LARS1: variants seen among roughly 807,000 people sequenced by gnomAD.
LARS1 encodes the protein leucyl-tRNA synthetase 1, also known as leucine--tRNA ligase, cytoplasmic.
LARS1 carries 100 observed loss-of-function variants against 162.8 expected under a neutral mutation model. That is an observed-to-expected ratio of 0.61 (90% confidence interval 0.52 to 0.73). The LOEUF is 0.73. LARS1 is among the 30% of genes least tolerant of loss of function. The pLI is 0.00. For synonymous variants in LARS1, 457 were observed against 462.8 expected (o/e 0.99, Z 0.16); for missense variants, 1,258 against 1,408.9 (o/e 0.89, Z 1.71).
At chr5:146,118,287 C>A (rs1751660972) in intron 31 of LARS1, among the ~76,000 whole-genome samples, 1 of 152,148 alleles carries the variant, frequency 6.6e-6, no homozygotes, top group Non-Finnish European at 1.5e-5. Context: ...CGCATGATCT[C>A]ACTCACATGT....
chr5:146,160,397 T>C lies in LARS1; in HGVS notation c.684A>G (p.Arg228=), dbSNP rs757561044. The C allele has an allele frequency of 4.1e-5, 64 of 1,566,008 alleles. No homozygotes were observed. Among genetic ancestry groups the C allele is most frequent in the Non-Finnish European group, 5.2e-5 (60 of 1,153,882 alleles). Residue 228 remains arginine (R), a synonymous_variant, in exon 7 of 32, where the codon AGA becomes AGG. Coordinates refer to ENST00000394434, the MANE Select transcript of LARS1 (RefSeq NM_020117.11). ...ACCGCTTCCCAAATTTAATTTTGTT[T>C]CTTTCTCTTAATGTTAAAAATTGCC... is the stretch of plus-strand genomic sequence containing the variant. ...VRWQFLTLRE[R]NKIKFGKRYT...
At chr5:146,165,493 T>C (rs905068158) in intron 5 of LARS1, among the ~76,000 whole-genome samples, 1 of 151,890 alleles carries the variant, frequency 6.6e-6, no homozygotes, top group Non-Finnish European at 1.5e-5. Context: ...ACTCCACCAC[T>C]GTACTCCAGC....
chr5:146,182,182 C>T (rs1754901980), intron 1 of LARS1: 2 of 390,990 alleles, frequency 5.1e-6, no homozygotes, highest in South Asian at 3.0e-5. Flanking sequence ...CTCAAATGAT[C>T]CACCCGCCTC....
At chr5:146,138,742 A>AG (rs1752625684) in intron 21 of LARS1, 1 of 163,176 alleles carries the variant, frequency 6.1e-6, no homozygotes, top group Non-Finnish European at 1.3e-5. Flanking sequence ...AAAAAAAAAA[A>AG]AGAAAGAAAA....
chr5:146,116,425 A>G (rs1764213743), intron 31 of LARS1, among the ~76,000 whole-genome samples: 1 of 152,212 alleles, frequency 6.6e-6, no homozygotes, highest in African/African-American at 2.4e-5. Context: ...GCAATTCTGA[A>G]TCAAACTAGT....
intron 6 of LARS1, among the ~76,000 whole-genome samples, chr5:146,161,311 A>G (rs957449762): frequency 3.3e-5 from 5 of 152,182 alleles, no homozygotes; most frequent in African/African-American, 1.2e-4. Context: ...TGTGATGGCT[A>G]TGGCAATTTC....
chr5:146,149,121 C>A (rs914609673), intron 15 of LARS1, among the ~76,000 whole-genome samples: 1 of 152,056 alleles, frequency 6.6e-6, no homozygotes, highest in South Asian at 2.1e-4. Flanking sequence ...TTAAATGTTA[C>A]CCCCTCCAAG....
chr5:146,145,023 A>G (rs969014314), intron 15 of LARS1, among the ~76,000 whole-genome samples: 2 of 152,204 alleles, frequency 1.3e-5, no homozygotes, highest in African/African-American at 4.8e-5. Flanking sequence ...TTCGAATCCT[A>G]TGGTTTGAAG....
chr5:146,133,789 T>G (rs1752394428), intron 22 of LARS1, among the ~76,000 whole-genome samples: 3 of 151,938 alleles, frequency 2.0e-5, no homozygotes, highest in Non-Finnish European at 4.4e-5. Context: ...GCACTTTGCC[T>G]TTTCCACTTA....
At chr5:146,138,820 T>C in intron 21 of LARS1, 1 of 224,854 alleles carries the variant, frequency 4.4e-6, no homozygotes, top group South Asian at 6.3e-5. Flanking sequence ...AGAGATGTGC[T>C]ATGTATACAA....
chr5:146,171,902 G>C lies in LARS1; in HGVS notation c.294+8C>G. The C allele has an allele frequency of 1.2e-6, 2 of 1,602,872 alleles. No homozygotes were observed. The highest frequency in any genetic ancestry group is 1.7e-6 in the Non-Finnish European group (2 of 1,173,490). ...AAGAGTAGAAACCAATCCTATTAGC[G>C]ATCTTACCTTAATAGGCATTCCAGT... On this transcript the variant is annotated splice_region_variant and intron_variant, in intron 4 of 31. Transcript: ENST00000394434.
chr5:146,149,701 T>C lies in LARS1; in HGVS notation c.1426-2A>G, dbSNP rs1297330397. 1 of 1,606,482 alleles carries C rather than the reference T, an allele frequency of 6.2e-7. No homozygotes were observed. The highest frequency in any genetic ancestry group is 8.5e-7 in the Non-Finnish European group (1 of 1,173,204). On this transcript the variant is annotated splice_acceptor_variant, in intron 14 of 31. Transcript: ENST00000394434. LOFTEE classifies it high-confidence loss of function. The stretch of plus-strand genomic sequence containing the variant: ...TTTAAATCCATCCACCAACATGATC[T>C]AAAAGGATGAGAGGGGAGAAAAACC...
rs2963919 is a variant in LARS1 at position 146,135,816 on chromosome 5, C to G, written c.2149-152G>C. On this transcript the variant is annotated intron_variant, in intron 21 of 31. Coordinates refer to ENST00000394434, the MANE Select transcript of LARS1 (RefSeq NM_020117.11). Reference sequence around the variant, plus strand: ...AAAAGATATTACACTAATTTTAGAGCGGTGAAAACTGAATTTCATCCGATA... The same window carrying G: ...AAAAGATATTACACTAATTTTAGAGGGGTGAAAACTGAATTTCATCCGATA... 4 of 560,970 alleles carry G rather than the reference C, an allele frequency of 7.1e-6. No individual in the cohort carries two copies. The East Asian group carries it at 1.3e-4, about 18-fold the overall frequency. The allele number at this position is 560,970 out of a possible 1,614,324, so 34.7% of individuals were successfully genotyped here. A position where few individuals can be genotyped will look rare whatever the true frequency, so the allele number is the denominator to read the frequency against.
At chr5:146,174,467 T>TATATATATATATATCC (rs1561497720) in intron 2 of LARS1, among the ~76,000 whole-genome samples, 53 of 5,110 alleles carry the variant, frequency 0.01, 6 homozygotes, top group East Asian at 0.012. Flanking sequence ...TATATATCCA[T>TATATATATATATATCC]ATATATATAT....
intron 30 of LARS1, 54 bp from the exon 31 acceptor site, chr5:146,120,557 G>A: frequency 6.4e-7 from 1 of 1,552,924 alleles, no homozygotes; most frequent in Non-Finnish European, 8.8e-7. Flanking sequence ...TGAGGGAGGA[G>A]GAATCTCTGC....
At chr5:146,145,675 TA>T (rs1258353433) in intron 15 of LARS1, among the ~76,000 whole-genome samples, 1 of 152,234 alleles carries the variant, frequency 6.6e-6, no homozygotes, top group Non-Finnish European at 1.5e-5. Flanking sequence ...TTTTTAAAAA[TA>T]AAATCCAGCA....
At chr5:146,156,517 A>C (rs1201129670) in intron 10 of LARS1, among the ~76,000 whole-genome samples, 1 of 152,032 alleles carries the variant, frequency 6.6e-6, no homozygotes. Flanking sequence ...AACATGATGA[A>C]ACCCTGTCTC....
intron 22 of LARS1, 29 bp downstream of exon 22, chr5:146,135,572 G>C (rs557511324): frequency 1.3e-6 from 2 of 1,527,546 alleles, no homozygotes; most frequent in Admixed American, 1.8e-5. Context: ...GGACCCTACA[G>C]AACAGCAATA....
chr5:146,150,942 G>GACACACACACACACACACACACAC (rs3995492), intron 14 of LARS1, among the ~76,000 whole-genome samples: 3 of 134,808 alleles, frequency 2.2e-5, no homozygotes, highest in East Asian at 2.2e-4. Context: ...CCGTCAGATA[G>GACACACACACACACACACACACAC]ACACACACAC....
Sources: allele counts gnomAD v4.1 joint callset (sites outside exome capture counted in the v4.1 genomes callset), GRCh38; gene constraint gnomAD v4.1.1; transcripts MANE v1.5; gene names NCBI Gene and HGNC (gene_info 2026-07-23, HGNC 2026-07-21).